The following ANGPTL7 variants were observed in gnomAD, a reference collection of about 807,000 sequenced individuals.
The protein encoded by ANGPTL7 is angiopoietin-related protein 7.
In ANGPTL7, 37 loss-of-function variants were observed where a neutral mutation model predicts 38.8. That is an observed-to-expected ratio of 0.95 (90% confidence interval 0.73 to 1.25). The LOEUF is 1.25. ANGPTL7 is among the 50% of genes most tolerant of loss of function. The pLI is 0.00. For missense variants in ANGPTL7, 427 were observed against 438.6 expected, an observed-to-expected ratio of 0.97 and a Z score of 0.24; for synonymous variants, 166 against 163.2, an observed-to-expected ratio of 1.02 and a Z score of -0.13.
chr1:11,193,743 G>T lies in ANGPTL7; in HGVS notation c.641G>T (p.Arg214Ile). ...LGNEHIHRLS[R>I]QPTRLRVEME... ...AACGAACACATCCACCGGCTCTCCA[G>T]ACAGCCAACCCGGCTGCGTGTAGAG... Residue 214 changes from arginine (R) to isoleucine (I), a missense_variant, in exon 3 of 5, where the codon AGA becomes ATA. Arg to Ile is a moderately conservative substitution (Grantham distance 97). Transcript: ENST00000376819. 6.2e-7 allele frequency: 1 copy of T among 1,614,138 alleles called. No homozygotes were observed. Among genetic ancestry groups the T allele is most frequent in the Admixed American group, 1.7e-5 (1 of 60,012 alleles).
chr1:11,193,464 C>A (rs138898242), intron 2 of ANGPTL7, 116 bp from the exon 3 acceptor site: 1 of 876,514 alleles, frequency 1.1e-6, no homozygotes, highest in Non-Finnish European at 1.7e-6. Flanking sequence ...AGTGTGACTG[C>A]GGGAGTGCAC....
Position 11,195,191 on chromosome 1 carries a change from A to C in ANGPTL7, c.*168A>C. On this transcript the variant is annotated 3_prime_UTR_variant, in exon 5 of 5. Transcript: ENST00000376819. ...GAGCACAAAAAAATCATATGTACCAAGGATGTTACAGTAAACAGGATGAAC... is the reference window on the plus strand; with the variant it reads ...GAGCACAAAAAAATCATATGTACCACGGATGTTACAGTAAACAGGATGAAC... 2.8e-6 allele frequency: 2 copies of C among 726,922 alleles called. No homozygotes were observed. Among genetic ancestry groups the C allele is most frequent in the South Asian group, 2.0e-5 (1 of 51,006 alleles). 45.0% of individuals were successfully genotyped at this position (726,922 alleles called of 1,614,324 possible).
At chr1:11,190,220 G>A (rs929914089) in intron 1 of ANGPTL7, among the ~76,000 whole-genome samples, 5 of 152,216 alleles carry the variant, frequency 3.3e-5, no homozygotes, top group Non-Finnish European at 5.9e-5. Context: ...AAGTCACCCA[G>A]CAAGTCTTAG....
At position 11,189,424 on chromosome 1, in the gene ANGPTL7, T is replaced by G. The variant is rs529668398; in HGVS notation, c.-156T>G. 1 of 939,374 alleles carries G rather than the reference T, an allele frequency of 1.1e-6. No individual in the cohort carries two copies. Among genetic ancestry groups the G allele is most frequent in the South Asian group, 1.6e-5 (1 of 60,660 alleles). 58.2% of individuals were successfully genotyped at this position (939,374 alleles called of 1,614,324 possible). On this transcript the variant is annotated 5_prime_UTR_variant, in exon 1 of 5. Transcript: ENST00000376819. ...CAGAGACTCAAGCTTTGAGAAAGGC[T>G]AGCAAAGAGCAAGGAAAGAGAGAAA... is the stretch of plus-strand genomic sequence containing the variant.
At position 11,189,619 on chromosome 1, in the gene ANGPTL7, A is replaced by G. The variant is rs766763173; in HGVS notation, c.40A>G (p.Ile14Val). ...TCTCTCAGCTGTGACCTGGCTCTGC[A>G]TTTTCATCGTGGCCTTTGTCAGCCA... ...KPLSAVTWLCIFIVAFVSHPA... is the reference protein window; with the variant it reads ...KPLSAVTWLCVFIVAFVSHPA... Residue 14 changes from isoleucine (I) to valine (V), a missense_variant, in exon 1 of 5, where the codon ATT becomes GTT. Transcript: ENST00000376819. 41 of 1,613,516 alleles carry G rather than the reference A, an allele frequency of 2.5e-5. No homozygotes were observed. The highest frequency in any genetic ancestry group is 3.3e-5 in the Non-Finnish European group (39 of 1,179,842).
At chr1:11,191,110 G>A (rs960197953) in intron 1 of ANGPTL7, among the ~76,000 whole-genome samples, 27 of 152,152 alleles carry the variant, frequency 1.8e-4, no homozygotes, top group African/African-American at 6.5e-4. Context: ...GAATCTGACC[G>A]TGCCACTTCC....
At chr1:11,193,833 C>A in intron 3 of ANGPTL7, 59 bp downstream of exon 3, 1 of 1,534,298 alleles carries the variant, frequency 6.5e-7, no homozygotes, top group Non-Finnish European at 9.0e-7. Context: ...TGACCGCGTA[C>A]AACTCCGGGG....
intron 3 of ANGPTL7, 44 bp downstream of exon 3, chr1:11,193,818 A>G (rs759542507): frequency 7.3e-5 from 117 of 1,596,616 alleles, no homozygotes; most frequent in Non-Finnish European, 9.5e-5. Flanking sequence ...CAGTGCCACC[A>G]CACATGACCG....
At position 11,189,815 on chromosome 1, in the gene ANGPTL7, T is replaced by C. The variant is rs1222751408; in HGVS notation, c.236T>C (p.Met79Thr). The change falls in exon 1 of 5, where the codon ATG becomes ACG. Residue 79 changes from methionine (M) to threonine (T), a missense_variant. Met to Thr is a moderately conservative substitution (Grantham distance 81). Coordinates refer to ENST00000376819, the MANE Select transcript of ANGPTL7 (RefSeq NM_021146.4). ...KQERDWVSVV[M>T]QVMELESNSK... ...GAGAGGGACTGGGTCAGCGTGGTCA[T>C]GCAGGTGATGGAGCTGGAGAGCAAC... is the stretch of plus-strand genomic sequence containing the variant. 3.1e-6 allele frequency: 5 copies of C among 1,614,190 alleles called. No individual in the cohort carries two copies. Among genetic ancestry groups the C allele is most frequent in the Non-Finnish European group, 4.2e-6 (5 of 1,180,028 alleles).
chr1:11,190,843 A>C (rs552257908), intron 1 of ANGPTL7, among the ~76,000 whole-genome samples: 2 of 152,342 alleles, frequency 1.3e-5, no homozygotes, highest in Non-Finnish European at 2.9e-5. Flanking sequence ...AACTACATGA[A>C]GAACAAAGAC....
rs1272590559 is a variant in ANGPTL7, at chr1:11,194,477, T to C, written c.689T>C (p.Leu230Pro). Residue 230 changes from leucine to proline, a missense_variant, in exon 4 of 5, where the codon CTG becomes CCG. Coordinates refer to ENST00000376819, the MANE Select transcript of ANGPTL7 (RefSeq NM_021146.4). ...RVEMEDWEGN[L>P]RYAEYSHFVL... Reference sequence around the variant, plus strand: ...TCCTGACAGGACTGGGAGGGCAACCTGCGCTACGCTGAGTATAGCCACTTT... The same window carrying C: ...TCCTGACAGGACTGGGAGGGCAACCCGCGCTACGCTGAGTATAGCCACTTT... 6.2e-7 allele frequency: 1 copy of C among 1,614,116 alleles called. No homozygotes were observed. The highest frequency in any genetic ancestry group is 8.5e-7 in the Non-Finnish European group (1 of 1,180,034).
chr1:11,194,667 T>C lies in ANGPTL7; in HGVS notation c.871+8T>C, dbSNP rs1645709505. ...GTGCACAGCTCCGCAAAGGTGAGAT[T>C]TGGGGGGACCGGAAAGGAGAAGTTC... On this transcript the variant is annotated splice_region_variant and intron_variant, in intron 4 of 4. Transcript: ENST00000376819. 6.2e-7 allele frequency: 1 copy of C among 1,614,024 alleles called. No homozygotes were observed. The highest frequency in any genetic ancestry group is 8.5e-7 in the Non-Finnish European group (1 of 1,179,972).
rs775421531 is a variant in ANGPTL7, at chr1:11,193,632, G to A, written c.530G>A (p.Arg177Gln). Residue 177 changes from arginine (R) to glutamine (Q), a missense_variant, in exon 3 of 5, where the codon CGA becomes CAA. Transcript: ENST00000376819. Reference protein sequence around the residue: ...SGGGWTIIQRRKSGLVSFYRD... With the variant: ...SGGGWTIIQRQKSGLVSFYRD... The stretch of plus-strand genomic sequence containing the variant: ...GGAGGCTGGACCATCATCCAGAGAC[G>A]AAAAAGTGGCCTTGTCTCCTTCTAC... 10 of 1,612,922 alleles carry A rather than the reference G, an allele frequency of 6.2e-6. No homozygotes were observed. In the Admixed American group the frequency reaches 1.2e-4, roughly 19 times the overall value.
At chr1:11,194,409 G>A in intron 3 of ANGPTL7, 52 bp from the exon 4 acceptor site, 2 of 1,564,540 alleles carry the variant, frequency 1.3e-6, no homozygotes, top group Middle Eastern at 4.4e-4. Context: ...TATAGAGACA[G>A]CATGAAATGG....
intron 4 of ANGPTL7, 45 bp from the exon 5 acceptor site, chr1:11,194,809 C>A: frequency 6.2e-7 from 1 of 1,608,812 alleles, no homozygotes; most frequent in South Asian, 1.1e-5. Flanking sequence ...GATGTCTGGT[C>A]TATCACAGTC....
At chr1:11,193,902 C>A in intron 3 of ANGPTL7, 128 bp downstream of exon 3, 1 of 1,064,834 alleles carries the variant, frequency 9.4e-7, no homozygotes, top group Non-Finnish European at 1.3e-6. Context: ...GGTTTTCCTG[C>A]AAGTTGTAAT....
At chr1:11,192,237 T>G (rs377749302) in intron 1 of ANGPTL7, 33 bp from the exon 2 acceptor site, 1 of 1,517,062 alleles carries the variant, frequency 6.6e-7, no homozygotes, top group African/African-American at 1.4e-5. Flanking sequence ...CCACTGGGTC[T>G]AAATGCTCAC....
In ANGPTL7 at chr1:11,189,646, C is replaced by G. The variant is rs765204461; in HGVS notation, c.67C>G (p.Pro23Ala). Residue 23 changes from proline (P) to alanine (A), a missense_variant, in exon 1 of 5, where the codon CCA (proline) becomes GCA (alanine). Pro to Ala is a conservative substitution (Grantham distance 27). Transcript: ENST00000376819. ...TTTCATCGTGGCCTTTGTCAGCCAC[C>G]CAGCGTGGCTGCAGAAGCTCTCTAA... is the stretch of plus-strand genomic sequence containing the variant. ...CIFIVAFVSH[P>A]AWLQKLSKHK... 2.4e-5 allele frequency: 39 copies of G among 1,613,994 alleles called. No individual in the cohort carries two copies. Among genetic ancestry groups the G allele is most frequent in the Non-Finnish European group, 3.3e-5 (39 of 1,180,008 alleles).
At chr1:11,192,457 T>A in intron 2 of ANGPTL7, 87 bp downstream of exon 2, 1 of 1,203,604 alleles carries the variant, frequency 8.3e-7, no homozygotes, top group Non-Finnish European at 1.2e-6. Flanking sequence ...ATTCACAGTT[T>A]AAAGAAAGGA....
Sources: allele counts gnomAD v4.1 joint callset (sites outside exome capture counted in the v4.1 genomes callset), GRCh38; gene constraint gnomAD v4.1.1; transcripts MANE v1.5; gene names NCBI Gene and HGNC (gene_info 2026-07-23, HGNC 2026-07-21).